DACH1: variants seen among roughly 807,000 people sequenced by gnomAD.
DACH1 encodes dachshund homolog 1.
Under a neutral mutation model 54.2 loss-of-function variants are expected in DACH1, and 12 were observed. The observed-to-expected ratio is 0.22, with a 90% CI of 0.14 to 0.36. DACH1 has a LOEUF of 0.36. DACH1 is among the 10% of genes least tolerant of loss of function. The pLI is 1.00. For missense variants in DACH1, 805 were observed against 929.8 expected, an observed-to-expected ratio of 0.87 and a Z score of 1.75; for synonymous variants, 386 against 366.2, an observed-to-expected ratio of 1.05 and a Z score of -0.62.
chr13:71,714,067 T>C (rs1174788638), intron 1 of DACH1, among the ~76,000 whole-genome samples: 2 of 152,130 alleles, frequency 1.3e-5, no homozygotes, highest in Non-Finnish European at 2.9e-5. Flanking sequence ...TTAACTATTA[T>C]GAATTACTTC....
At chr13:71,649,604 C>G (rs756047418) in intron 2 of DACH1, among the ~76,000 whole-genome samples, 1 of 152,060 alleles carries the variant, frequency 6.6e-6, no homozygotes, top group Non-Finnish European at 1.5e-5. Context: ...ATTTCCATAA[C>G]AAACACCATA....
chr13:71,495,005 T>C (rs1051363954), intron 6 of DACH1, among the ~76,000 whole-genome samples: 14 of 152,030 alleles, frequency 9.2e-5, no homozygotes, highest in African/African-American at 2.4e-5. Context: ...GTTAATAAAA[T>C]CTAACTCAGT....
intron 1 of DACH1, among the ~76,000 whole-genome samples, chr13:71,749,234 C>T (rs1042117515): frequency 3.3e-5 from 5 of 151,960 alleles, no homozygotes; most frequent in Admixed American, 1.3e-4. Context: ...TCCACCGCCT[C>T]GGCCTCCCAA....
intron 1 of DACH1, among the ~76,000 whole-genome samples, chr13:71,837,797 A>G (rs918146351): frequency 6.7e-6 from 1 of 148,592 alleles, no homozygotes; most frequent in African/African-American, 2.5e-5. Context: ...AATGTGGCAC[A>G]TATACACCAT....
chr13:71,746,252 T>A (rs1436298572), intron 1 of DACH1, among the ~76,000 whole-genome samples: 2 of 152,076 alleles, frequency 1.3e-5, no homozygotes, highest in Non-Finnish European at 2.9e-5. Context: ...CAACATCATG[T>A]ACAAGAAAGA....
intron 1 of DACH1, among the ~76,000 whole-genome samples, chr13:71,817,735 G>A (rs1253829876): frequency 6.6e-6 from 1 of 151,208 alleles, no homozygotes; most frequent in Non-Finnish European, 1.5e-5. Flanking sequence ...TAAAATATAT[G>A]ATTAAAATTA....
At chr13:71,615,472 A>G (rs1245025930) in intron 3 of DACH1, among the ~76,000 whole-genome samples, 1 of 152,232 alleles carries the variant, frequency 6.6e-6, no homozygotes, top group African/African-American at 2.4e-5. Context: ...AAATGAGACA[A>G]AACTTTTCAA....
chr13:71,853,148 C>G (rs1036710080), intron 1 of DACH1, among the ~76,000 whole-genome samples: 8 of 152,164 alleles, frequency 5.3e-5, no homozygotes, highest in Admixed American at 2.0e-4. Context: ...ATCAATTTCT[C>G]TACGTGACCA....
In DACH1 at chr13:71,645,903, T is replaced by C. The variant is rs540481381; in HGVS notation, c.965-15186A>G. 6.4e-4 allele frequency among the ~76,000 whole-genome samples: 98 copies of C among 152,246 alleles called. 1 individual carries two copies. In the South Asian group the frequency reaches 7.5e-3, roughly 12 times the overall value. The stretch of plus-strand genomic sequence containing the variant: ...TGCACTAGCCTGGTGGCCTAATAAG[T>C]CTGTGTTTCTGAAACTTGAGAAATT... On this transcript the variant is annotated intron_variant, in intron 2 of 10. Coordinates refer to ENST00000613252, the MANE Select transcript of DACH1 (RefSeq NM_080759.6).
At chr13:71,495,735 T>C (rs1416232451) in intron 6 of DACH1, among the ~76,000 whole-genome samples, 2 of 152,186 alleles carry the variant, frequency 1.3e-5, no homozygotes, top group East Asian at 1.9e-4. Flanking sequence ...ACAACCTCTA[T>C]GGAAAACAGT....
chr13:71,601,129 G>A (rs1245278300), intron 3 of DACH1, among the ~76,000 whole-genome samples: 2 of 151,934 alleles, frequency 1.3e-5, no homozygotes, highest in East Asian at 1.9e-4. Flanking sequence ...ATTAATAGGC[G>A]AATAACGCAG....
intron 2 of DACH1, among the ~76,000 whole-genome samples, chr13:71,651,200 G>T (rs1878638408): frequency 6.6e-6 from 1 of 151,808 alleles, no homozygotes; most frequent in Non-Finnish European, 1.5e-5. Flanking sequence ...ATTGTCATAG[G>T]TCTTTCAAAA....
chr13:71,530,372 G>C (rs1882332047), intron 6 of DACH1, among the ~76,000 whole-genome samples: 1 of 151,952 alleles, frequency 6.6e-6, no homozygotes, highest in East Asian at 1.9e-4. Context: ...ACATGGTAAT[G>C]ATTATTTTAA....
intron 2 of DACH1, among the ~76,000 whole-genome samples, chr13:71,665,255 A>G (rs1879754559): frequency 6.6e-6 from 1 of 151,986 alleles, no homozygotes; most frequent in South Asian, 2.1e-4. Context: ...TTCCACACTC[A>G]ATAAAGTAAT....
chr13:71,637,617 A>C (rs1218245179), intron 2 of DACH1, among the ~76,000 whole-genome samples: 1 of 152,134 alleles, frequency 6.6e-6, no homozygotes, highest in East Asian at 1.9e-4. Context: ...CAATCCATGG[A>C]TATATCTTTT....
chr13:71,696,660 G>A (rs1444120983), intron 1 of DACH1, among the ~76,000 whole-genome samples: 1 of 151,388 alleles, frequency 6.6e-6, no homozygotes, highest in Non-Finnish European at 1.5e-5. Flanking sequence ...TGATTCTCCT[G>A]CCTCAGCCTC....
Position 71,482,869 on chromosome 13 carries a change from C to T in DACH1, c.1723-3553G>A, listed in dbSNP as rs529828163. Reference sequence around the variant, plus strand: ...GGCTGGCGTGCAAATGGCGCGATCTCGGCTCACTGCAACCTCTGCTTCCCA... The same window carrying T: ...GGCTGGCGTGCAAATGGCGCGATCTTGGCTCACTGCAACCTCTGCTTCCCA... On this transcript the variant is annotated intron_variant, in intron 7 of 10. Transcript: ENST00000613252. Among the ~76,000 whole-genome samples the T allele has an allele frequency of 3.3e-4, 48 of 145,254 alleles. 1 individual carries two copies. In the South Asian group the frequency reaches 0.01, roughly 31 times the overall value.
chr13:71,753,913 A>C (rs2137985849), intron 1 of DACH1, among the ~76,000 whole-genome samples: 1 of 152,348 alleles, frequency 6.6e-6, no homozygotes, highest in South Asian at 2.1e-4. Flanking sequence ...CCATAGTCAA[A>C]GTATAAATGA....
chr13:71,624,399 T>C (rs1594005725), intron 3 of DACH1, among the ~76,000 whole-genome samples: 1 of 151,942 alleles, frequency 6.6e-6, no homozygotes, highest in East Asian at 1.9e-4. Flanking sequence ...ATTCATTAAT[T>C]AAACTACTTA....
Sources: allele counts gnomAD v4.1 joint callset (sites outside exome capture counted in the v4.1 genomes callset), GRCh38; gene constraint gnomAD v4.1.1; transcripts MANE v1.5; gene names NCBI Gene and HGNC (gene_info 2026-07-23, HGNC 2026-07-21).